Variants in MTF2 observed in about 807,000 individuals in gnomAD.
MTF2 encodes the protein metal-response element-binding transcription factor 2.
In MTF2, 11 loss-of-function variants were observed where a neutral mutation model predicts 79.5. That is an observed-to-expected ratio of 0.14 (90% CI 0.09 to 0.23). The LOEUF is 0.23. Ranked by LOEUF, MTF2 falls within the 10% of genes least tolerant of loss-of-function variation. The pLI, the probability that MTF2 is intolerant of heterozygous loss-of-function variation, is 1.00. For synonymous variants in MTF2, 208 were observed against 232.8 expected (o/e 0.89, Z 0.97); for missense variants, 486 against 711.2 (o/e 0.68, Z 3.60).
rs565138350 is a variant in MTF2 at position 93,127,419 on chromosome 1, T to G, written c.989+120T>G. The G allele has an allele frequency of 3.0e-5, 19 of 633,270 alleles. No homozygotes were observed. The African/African-American group carries it at 3.1e-4, about 10-fold the overall frequency. The allele number at this position is 633,270 out of a possible 1,614,324, so 39.2% of individuals were successfully genotyped here. The stretch of plus-strand genomic sequence containing the variant: ...GAAGAAGTCTATACCATTTTAAACT[T>G]TATAATGTCCTATTCTATTTTAGTT... On this transcript the variant is annotated intron_variant, in intron 10 of 14. Coordinates refer to ENST00000370298, the MANE Select transcript of MTF2 (RefSeq NM_007358.4).
chr1:93,135,050 A>G (rs979937250), intron 14 of MTF2, among the ~76,000 whole-genome samples: 3 of 151,960 alleles, frequency 2.0e-5, no homozygotes, highest in Admixed American at 2.0e-4. Context: ...ACTCACTGCA[A>G]CCTCCGCCTC....
At chr1:93,090,046 G>T (rs943934380) in intron 1 of MTF2, among the ~76,000 whole-genome samples, 2 of 151,916 alleles carry the variant, frequency 1.3e-5, no homozygotes, top group Admixed American at 1.3e-4. Flanking sequence ...GCACGATCTC[G>T]GCTCACTGCA....
chr1:93,129,141 A>G, intron 10 of MTF2, 137 bp from the exon 11 acceptor site: 2 of 509,312 alleles, frequency 3.9e-6, no homozygotes, highest in Non-Finnish European at 6.6e-6. Context: ...AAATCAAGGA[A>G]AGCAAGGGGA....
At chr1:93,096,517 A>T (rs546827334) in intron 1 of MTF2, among the ~76,000 whole-genome samples, 1 of 150,016 alleles carries the variant, frequency 6.7e-6, no homozygotes, top group South Asian at 2.1e-4. Context: ...TTGTTCTGTC[A>T]TATGCTTTTT....
At chr1:93,129,123 G>A (rs1413740565) in intron 10 of MTF2, 155 bp from the exon 11 acceptor site, 14 of 460,014 alleles carry the variant, frequency 3.0e-5, no homozygotes, top group Non-Finnish European at 4.2e-5. Flanking sequence ...TGGCTCTGGG[G>A]CAGATAAAAA....
chr1:93,085,193 CT>C (rs1306405963), intron 1 of MTF2, among the ~76,000 whole-genome samples: 1,475 of 143,734 alleles, frequency 0.01, 4 homozygotes, highest in Non-Finnish European at 0.015. Context: ...TTCTTTCTTT[CT>C]TTTTTTTTTT....
chr1:93,132,602 A>T (rs2101096028), intron 11 of MTF2, among the ~76,000 whole-genome samples: 1 of 152,304 alleles, frequency 6.6e-6, no homozygotes, highest in East Asian at 1.9e-4. Context: ...CATCCATCTT[A>T]TTCTTGAGAC....
At chr1:93,134,237 T>C (rs1647281331) in intron 14 of MTF2, 42 bp downstream of exon 14, 1 of 1,386,518 alleles carries the variant, frequency 7.2e-7, no homozygotes, top group Non-Finnish European at 1.0e-6. Context: ...TTTTTTACTC[T>C]AGATTTCTTT....
At chr1:93,121,663 A>G in intron 9 of MTF2, 2 of 964,200 alleles carry the variant, frequency 2.1e-6, no homozygotes, top group South Asian at 9.6e-5. Flanking sequence ...CAATTGATGA[A>G]TTTTTGAATT....
chr1:93,133,791 A>G lies in MTF2; in HGVS notation c.1249A>G (p.Thr417Ala). Residue 417 changes from threonine (T) to alanine (A), a missense_variant, in exon 12 of 15, where the codon ACT (threonine) becomes GCT (alanine). Around this residue, in one of 4 missense-constraint regions of MTF2, gnomAD observed 209 missense variants for 206.5 expected, o/e 1.01. Coordinates refer to ENST00000370298, the MANE Select transcript of MTF2 (RefSeq NM_007358.4). ...GPYTRKMIQK[T>A]AEPLLDKESI... ...ATATACAAGAAAAATGATTCAAAAA[A>G]CTGCTGAGCCACTTTTGGTAAGAGG... The G allele has an allele frequency of 6.2e-7, 1 of 1,608,854 alleles. No individual in the cohort carries two copies. The highest frequency in any genetic ancestry group is 8.5e-7 in the Non-Finnish European group (1 of 1,176,522).
At chr1:93,120,466 A>G (rs1571244339) in intron 8 of MTF2, 83 bp from the exon 9 acceptor site, 2 of 1,291,252 alleles carry the variant, frequency 1.5e-6, no homozygotes, top group Non-Finnish European at 1.0e-6. Flanking sequence ...TTGCATTTTA[A>G]TTACTGTTTT....
chr1:93,132,824 A>C (rs1056185389), intron 11 of MTF2, among the ~76,000 whole-genome samples: 2 of 151,390 alleles, frequency 1.3e-5, no homozygotes, highest in Non-Finnish European at 2.9e-5. Context: ...CATAGCCCTC[A>C]CTCCATTTTA....
Position 93,110,613 on chromosome 1 carries a change from G to A in MTF2, c.273G>A (p.Lys91=). 2 of 1,612,384 alleles carry A rather than the reference G, an allele frequency of 1.2e-6. No individual in the cohort carries two copies. Among genetic ancestry groups the A allele is most frequent in the Non-Finnish European group, 1.7e-6 (2 of 1,178,734 alleles). The part of the protein sequence containing the change: ...EDSSKSWVLW[K]DIQTGATGSG... ...GTTCTAAATCCTGGGTTCTCTGGAA[G>A]GACATTCAAACAGGCAGGTGCTACT... Residue 91 remains lysine, a synonymous_variant, in exon 3 of 15, where the codon AAG becomes AAA. Coordinates refer to ENST00000370298, the MANE Select transcript of MTF2 (RefSeq NM_007358.4).
intron 9 of MTF2, among the ~76,000 whole-genome samples, chr1:93,123,560 C>T (rs889157861): frequency 1.3e-5 from 2 of 151,914 alleles, no homozygotes; most frequent in Non-Finnish European, 1.5e-5. Flanking sequence ...TGGCATTTTG[C>T]GTAGGAATAT....
chr1:93,114,432 AG>A, intron 3 of MTF2, among the ~76,000 whole-genome samples: 1 of 152,352 alleles, frequency 6.6e-6, no homozygotes, highest in Middle Eastern at 3.4e-3. Context: ...ATGAGTAATA[AG>A]GGAAGATGCT....
intron 2 of MTF2, 25 bp from the exon 3 acceptor site, chr1:93,110,520 C>T (rs763908723): frequency 2.7e-5 from 43 of 1,602,378 alleles, no homozygotes; most frequent in South Asian, 4.4e-5. Flanking sequence ...AAGAGATCAC[C>T]GTTAAGTATT....
chr1:93,118,273 T>C, intron 6 of MTF2, 72 bp from the exon 7 acceptor site: 3 of 885,758 alleles, frequency 3.4e-6, no homozygotes, highest in Non-Finnish European at 5.0e-6. Context: ...TTTTTTTTTT[T>C]TTTTTTTAAA....
chr1:93,087,332 G>A (rs529286256), intron 1 of MTF2, among the ~76,000 whole-genome samples: 111 of 152,264 alleles, frequency 7.3e-4, no homozygotes, highest in Non-Finnish European at 9.1e-4. Context: ...AGCACTTTGG[G>A]AGGCCGAGGT....
chr1:93,090,177 C>T (rs567643752), intron 1 of MTF2, among the ~76,000 whole-genome samples: 14 of 152,258 alleles, frequency 9.2e-5, no homozygotes, highest in Non-Finnish European at 1.5e-4. Flanking sequence ...GGGGTTTCAC[C>T]GTGTTAGACA....
Sources: gnomAD v4.1 joint callset for allele counts (sites outside exome capture counted in the v4.1 genomes callset) on GRCh38, gnomAD v4.1.1 for gene constraint, gnomAD v4.1.1 regional missense constraint, MANE v1.5 for transcripts, NCBI Gene and HGNC (gene_info 2026-07-23, HGNC 2026-07-21) for gene names.